CCDC141: variants seen among roughly 807,000 people sequenced by gnomAD.
The protein encoded by CCDC141 is coiled-coil domain containing 141, also known as coiled-coil domain-containing protein 141.
CCDC141 carries 168 observed loss-of-function variants against 181.0 expected under a neutral mutation model. The observed-to-expected ratio is 0.93, with a 90% CI of 0.82 to 1.05. The LOEUF (loss-of-function observed/expected upper bound fraction) is 1.05. CCDC141 is among the 50% of genes least tolerant of loss of function. CCDC141 has a pLI of 0.00. For missense variants in CCDC141, 1,902 were observed against 1,788.5 expected (o/e 1.06, Z -1.14); for synonymous variants, 666 against 642.3 (o/e 1.04, Z -0.56).
chr2:178,862,647 A>G (rs1347596541), intron 17 of CCDC141, among the ~76,000 whole-genome samples: 3 of 152,228 alleles, frequency 2.0e-5, no homozygotes, highest in African/African-American at 7.2e-5. Flanking sequence ...AGGAAAAAGC[A>G]CAAAGTCTGG....
chr2:178,834,855 T>C (rs1348356087), intron 23 of CCDC141, among the ~76,000 whole-genome samples: 3 of 151,450 alleles, frequency 2.0e-5, no homozygotes, highest in Non-Finnish European at 2.9e-5. Flanking sequence ...GCTGGTATTA[T>C]GCGCTGTTTA....
Position 178,871,549 on chromosome 2 carries a change from A to G in CCDC141, c.2083T>C (p.Ser695Pro). 1.2e-6 allele frequency: 2 copies of G among 1,613,176 alleles called. No individual in the cohort carries two copies. The highest frequency in any genetic ancestry group is 2.2e-5 in the South Asian group (2 of 90,806). Reference sequence around the variant, plus strand: ...TCCTGAAGAAGTTTTAAGTTGTGAGAAGTCTGAAATAAATATTGGACAGTT... The same window carrying G: ...TCCTGAAGAAGTTTTAAGTTGTGAGGAGTCTGAAATAAATATTGGACAGTT... ...AAFKEQLKKT[S>P]HNLKLLQEAL... The change falls in exon 14 of 24, where the codon TCT (serine) becomes CCT (proline). Residue 695 changes from serine to proline, a missense_variant. Physicochemically the swap from Ser to Pro is moderately conservative, Grantham distance 74. Coordinates refer to ENST00000443758, the MANE Select transcript of CCDC141 (RefSeq NM_173648.4).
At chr2:178,937,351 T>C (rs1017762211) in intron 6 of CCDC141, among the ~76,000 whole-genome samples, 1 of 152,144 alleles carries the variant, frequency 6.6e-6, no homozygotes. Context: ...GAGAAAATCA[T>C]GTAGTTTTTG....
intron 22 of CCDC141, among the ~76,000 whole-genome samples, chr2:178,839,485 G>C (rs2154366032): frequency 7.0e-6 from 1 of 142,744 alleles, no homozygotes; most frequent in South Asian, 2.3e-4. Context: ...GCTGAAGCAG[G>C]AGAATCTCTT....
chr2:178,816,562 A>G, the CCDC141 span, among the ~76,000 whole-genome samples: 1 of 152,340 alleles, frequency 6.6e-6, no homozygotes, highest in South Asian at 2.1e-4. Flanking sequence ...TGCCAAGGAA[A>G]CTAATTCCTG....
At chr2:178,941,383 A>G (rs1052848328) in intron 6 of CCDC141, among the ~76,000 whole-genome samples, 1 of 152,192 alleles carries the variant, frequency 6.6e-6, no homozygotes, top group East Asian at 1.9e-4. Context: ...ATAGCCAGTT[A>G]TCTTGCCAGT....
chr2:178,867,372 G>A, intron 16 of CCDC141, among the ~76,000 whole-genome samples: 1 of 152,116 alleles, frequency 6.6e-6, no homozygotes, highest in Middle Eastern at 3.2e-3. Flanking sequence ...TAAAAAGATA[G>A]AGCAAAATTA....
intron 8 of CCDC141, among the ~76,000 whole-genome samples, chr2:178,894,003 G>A (rs1687290766): frequency 6.6e-6 from 1 of 152,118 alleles, no homozygotes; most frequent in African/African-American, 2.4e-5. Flanking sequence ...CCTATGTGAA[G>A]GGTACCATTG....
chr2:178,921,863 C>G (rs1347015408), intron 6 of CCDC141, among the ~76,000 whole-genome samples: 1 of 152,160 alleles, frequency 6.6e-6, no homozygotes, highest in South Asian at 2.1e-4. Flanking sequence ...TTGTACCATC[C>G]TTTCTTCTTC....
intron 11 of CCDC141, among the ~76,000 whole-genome samples, chr2:178,884,021 T>G (rs1686751899): frequency 6.6e-6 from 1 of 152,164 alleles, no homozygotes; most frequent in Non-Finnish European, 1.5e-5. Flanking sequence ...GCTAAGGTAT[T>G]CAAAAAGATC....
At chr2:179,039,939 G>T (rs932953346) in intron 2 of CCDC141, among the ~76,000 whole-genome samples, 1 of 152,090 alleles carries the variant, frequency 6.6e-6, no homozygotes, top group African/African-American at 2.4e-5. Flanking sequence ...TAGACTTCTT[G>T]ATAATTTTTT....
At chr2:178,857,457 C>T (rs556963442) in intron 17 of CCDC141, among the ~76,000 whole-genome samples, 107 of 152,290 alleles carry the variant, frequency 7.0e-4, no homozygotes, top group South Asian at 2.1e-3. Context: ...TTGCTAATGA[C>T]GGCTATGCTA....
rs375759181 is a variant in CCDC141 at position 178,923,315 on chromosome 2, G to A, written c.898-4408C>T. 7.5e-4 allele frequency among the ~76,000 whole-genome samples: 114 copies of A among 151,530 alleles called. 1 individual carries two copies. The highest frequency in any genetic ancestry group is 2.5e-3 in the African/African-American group (104 of 41,292). ...GAGACGGGGTTTCACCATTTTAGCCGGGATGGTCTCGATCTCCTGACCTCG... is the reference window on the plus strand; with the variant it reads ...GAGACGGGGTTTCACCATTTTAGCCAGGATGGTCTCGATCTCCTGACCTCG... On this transcript the variant is annotated intron_variant, in intron 6 of 23. Transcript: ENST00000443758.
At chr2:179,039,117 C>T (rs1055492411) in intron 2 of CCDC141, among the ~76,000 whole-genome samples, 2 of 152,052 alleles carry the variant, frequency 1.3e-5, no homozygotes, top group African/African-American at 2.4e-5. Context: ...AATCTAGACG[C>T]CTTTTGGGAG....
At chr2:178,976,067 A>C (rs2154380519) in intron 3 of CCDC141, among the ~76,000 whole-genome samples, 1 of 152,276 alleles carries the variant, frequency 6.6e-6, no homozygotes, top group East Asian at 1.9e-4. Flanking sequence ...GAGAGAGATG[A>C]TTAACGTGAT....
intron 2 of CCDC141, among the ~76,000 whole-genome samples, chr2:179,046,804 A>T (rs2154390773): frequency 6.6e-6 from 1 of 152,342 alleles, no homozygotes; most frequent in Non-Finnish European, 1.5e-5. Flanking sequence ...TATATAAAAT[A>T]GTATGTCTGG....
chr2:178,988,266 C>G (rs1691851558), intron 2 of CCDC141, among the ~76,000 whole-genome samples: 1 of 138,384 alleles, frequency 7.2e-6, no homozygotes, highest in Admixed American at 8.5e-5. Flanking sequence ...GGGAATTGAA[C>G]AGTGAGATCA....
At chr2:178,956,996 C>T (rs1374825487) in intron 5 of CCDC141, among the ~76,000 whole-genome samples, 4 of 152,196 alleles carry the variant, frequency 2.6e-5, no homozygotes, top group South Asian at 2.1e-4. Context: ...TCTGCCTCAG[C>T]GTTCCGTGTA....
intron 8 of CCDC141, among the ~76,000 whole-genome samples, chr2:178,900,114 A>C (rs1040745515): frequency 6.6e-6 from 1 of 152,324 alleles, no homozygotes. Context: ...AAATATTATA[A>C]TATCTCGAGG....
Sources: allele counts gnomAD v4.1 joint callset (sites outside exome capture counted in the v4.1 genomes callset), GRCh38; gene constraint gnomAD v4.1.1; transcripts MANE v1.5; gene names NCBI Gene and HGNC (gene_info 2026-07-23, HGNC 2026-07-21).